Variants in CELF4 observed in about 807,000 individuals in gnomAD.
CELF4 encodes CUG-BP- and ETR-3-like factor 4.
Under a neutral mutation model 59.9 loss-of-function variants are expected in CELF4, and 18 were observed. The observed-to-expected ratio is 0.30, with a 90% CI of 0.21 to 0.45. CELF4 has a LOEUF of 0.45. Among genes scored for constraint, CELF4 ranks in the 20% least tolerant of loss-of-function variants. The probability of loss-of-function intolerance (pLI) is 1.00; values close to 1 mark genes in which losing one functional copy is unlikely to be tolerated. For missense variants in CELF4, 456 were observed against 689.0 expected, an observed-to-expected ratio of 0.66 and a Z score of 3.79; for synonymous variants, 261 against 267.1, an observed-to-expected ratio of 0.98 and a Z score of 0.22.
intron 2 of CELF4, among the ~76,000 whole-genome samples, chr18:37,404,458 T>C (rs1191899989): frequency 1.3e-5 from 2 of 152,210 alleles, no homozygotes; most frequent in South Asian, 2.1e-4. Flanking sequence ...ATCTGGGGCA[T>C]AGACACAGGG....
rs1008342021 is a variant in CELF4, at chr18:37,248,307, T to C, written c.*45-3110A>G. ...TCATCTTGCATTTGCCTTACCCTCT[T>C]TCTTTGCTCACACTCTTTGCCTTGC... is the stretch of plus-strand genomic sequence containing the variant. On this transcript the variant is annotated intron_variant, in intron 12 of 12. Transcript: ENST00000420428. 4.6e-5 allele frequency among the ~76,000 whole-genome samples: 7 copies of C among 152,346 alleles called. No individual in the cohort carries two copies. In the East Asian group the frequency reaches 1.3e-3, roughly 29 times the overall value.
intron 2 of CELF4, among the ~76,000 whole-genome samples, chr18:37,337,925 G>A (rs1044954438): frequency 7.2e-5 from 11 of 152,118 alleles, no homozygotes; most frequent in South Asian, 4.1e-4. Flanking sequence ...CCTGACCCCC[G>A]CCCCATGTTT....
At position 37,266,520 on chromosome 18, in the gene CELF4, C is replaced by T. The variant is rs768110414; in HGVS notation, c.1165+13G>A. The T allele has an allele frequency of 5.2e-5, 83 of 1,586,126 alleles. No individual in the cohort carries two copies. The highest frequency in any genetic ancestry group is 1.3e-4 in the African/African-American group (10 of 74,694). The stretch of plus-strand genomic sequence containing the variant: ...AGTTGGGGAAGGAGCCGTGGGGACG[C>T]GTGGATACTAACGACCTGCATACTG... On this transcript the variant is annotated intron_variant, in intron 9 of 12. Coordinates refer to ENST00000420428, the MANE Select transcript of CELF4 (RefSeq NM_020180.4).
intron 2 of CELF4, among the ~76,000 whole-genome samples, chr18:37,402,745 T>C (rs1183826904): frequency 6.6e-6 from 1 of 152,154 alleles, no homozygotes; most frequent in Non-Finnish European, 1.5e-5. Context: ...CTTCCCACCT[T>C]GTCCACACCT....
intron 2 of CELF4, among the ~76,000 whole-genome samples, chr18:37,351,798 G>A (rs2098447923): frequency 6.6e-6 from 1 of 151,992 alleles, no homozygotes; most frequent in Admixed American, 6.6e-5. Context: ...ATTTTTAGTA[G>A]AGACAGGATT....
At chr18:37,275,525 C>T in intron 3 of CELF4, 1 of 445,238 alleles carries the variant, frequency 2.2e-6, no homozygotes, top group Admixed American at 3.6e-5. Context: ...GACTCGGCCT[C>T]CTCCCGCCTG....
At chr18:37,377,506 G>C (rs1444979329) in intron 2 of CELF4, among the ~76,000 whole-genome samples, 1 of 152,250 alleles carries the variant, frequency 6.6e-6, no homozygotes, top group Non-Finnish European at 1.5e-5. Context: ...TCTGGCCCCA[G>C]ATGCAGGGCA....
intron 3 of CELF4, 45 bp downstream of exon 3, chr18:37,321,758 G>A: frequency 7.3e-7 from 1 of 1,364,302 alleles, no homozygotes; most frequent in Non-Finnish European, 1.0e-6. Context: ...AAGGAGGGAG[G>A]AGTGAGAGGG....
chr18:37,352,271 C>T (rs2154554635), intron 2 of CELF4, among the ~76,000 whole-genome samples: 1 of 152,330 alleles, frequency 6.6e-6, no homozygotes, highest in Admixed American at 6.5e-5. Context: ...TGATGGCTGT[C>T]AGTTCATGCT....
At chr18:37,282,443 C>T (rs2094264837) in intron 3 of CELF4, among the ~76,000 whole-genome samples, 1 of 152,204 alleles carries the variant, frequency 6.6e-6, no homozygotes, top group Non-Finnish European at 1.5e-5. Context: ...TGTCAAGCAC[C>T]CATGGTTCCT....
At chr18:37,489,059 G>A (rs1040309019) in intron 1 of CELF4, among the ~76,000 whole-genome samples, 4 of 152,244 alleles carry the variant, frequency 2.6e-5, no homozygotes, top group Non-Finnish European at 5.9e-5. Flanking sequence ...GGCTAGAGAG[G>A]TGTTGAAGCC....
intron 2 of CELF4, among the ~76,000 whole-genome samples, chr18:37,393,133 C>T (rs1266882430): frequency 1.3e-5 from 2 of 151,722 alleles, no homozygotes; most frequent in Non-Finnish European, 2.9e-5. Flanking sequence ...TGGACACACA[C>T]ATGGATTGCA....
chr18:37,329,482 G>A (rs973094012), intron 2 of CELF4, among the ~76,000 whole-genome samples: 4 of 152,220 alleles, frequency 2.6e-5, no homozygotes, highest in African/African-American at 9.6e-5. Context: ...TCTGTGCCTG[G>A]GACGTGCTAG....
intron 2 of CELF4, among the ~76,000 whole-genome samples, chr18:37,374,366 C>T (rs879939176): frequency 1.2e-4 from 18 of 152,188 alleles, no homozygotes; most frequent in Admixed American, 1.2e-3. Context: ...TGCAGCTCAT[C>T]TCCACTCTGA....
At chr18:37,564,811 A>T (rs2099987661) in intron 1 of CELF4, among the ~76,000 whole-genome samples, 1 of 151,806 alleles carries the variant, frequency 6.6e-6, no homozygotes, top group Non-Finnish European at 1.5e-5. Context: ...CGACAGGGAG[A>T]GTTTACTGTT....
At chr18:37,446,626 G>A (rs113960185) in intron 2 of CELF4, among the ~76,000 whole-genome samples, 2,561 of 152,276 alleles carry the variant, frequency 0.017, 82 homozygotes, top group African/African-American at 0.058. Flanking sequence ...CAGCAAGCAT[G>A]CAGTAAATAT....
chr18:37,475,190 A>G (rs1322950720), intron 2 of CELF4, among the ~76,000 whole-genome samples: 1 of 152,156 alleles, frequency 6.6e-6, no homozygotes, highest in Non-Finnish European at 1.5e-5. Flanking sequence ...CAACCCCACA[A>G]AGAAGCTATT....
chr18:37,332,738 G>A (rs530892896), intron 2 of CELF4, among the ~76,000 whole-genome samples: 36 of 152,316 alleles, frequency 2.4e-4, no homozygotes, highest in South Asian at 2.1e-4. Flanking sequence ...CTTCCAGCGC[G>A]TGGCAGGTAA....
At chr18:37,257,676 C>G (rs1394759146) in intron 11 of CELF4, among the ~76,000 whole-genome samples, 2 of 152,190 alleles carry the variant, frequency 1.3e-5, no homozygotes, top group Non-Finnish European at 2.9e-5. Context: ...CCTCCACCAC[C>G]CCCAAGCTGT....
Sources: gnomAD v4.1 joint callset for allele counts (sites outside exome capture counted in the v4.1 genomes callset) on GRCh38, gnomAD v4.1.1 for gene constraint, MANE v1.5 for transcripts, NCBI Gene and HGNC (gene_info 2026-07-23, HGNC 2026-07-21) for gene names.